Variants in EIF3M observed in about 807,000 individuals in gnomAD.
EIF3M encodes B5 receptor.
A neutral mutation model predicts 49.7 loss-of-function variants in EIF3M; 25 were observed. That is an observed-to-expected ratio of 0.50 (90% CI 0.37 to 0.70). The LOEUF (loss-of-function observed/expected upper bound fraction) is 0.70, where lower values mean the gene tolerates loss of function less well. Among genes scored for constraint, EIF3M ranks in the 30% least tolerant of loss-of-function variants. EIF3M has a pLI of 0.00. For missense variants in EIF3M, 350 were observed against 440.0 expected (o/e 0.80, Z 1.83); for synonymous variants, 156 against 149.8 (o/e 1.04, Z -0.30).
rs1352479195 is a variant in EIF3M, at chr11:32,601,742, T to C, written c.944-20T>C. 8.1e-6 allele frequency: 13 copies of C among 1,609,898 alleles called. No homozygotes were observed. Among genetic ancestry groups the C allele is most frequent in the South Asian group, 1.1e-5 (1 of 90,688 alleles). Reference sequence around the variant, plus strand: ...TGGAAATTTTCCATATAACATACGATATAAAACATCTTTTTTCAGCCGTAA... The same window carrying C: ...TGGAAATTTTCCATATAACATACGACATAAAACATCTTTTTTCAGCCGTAA... On this transcript the variant is annotated intron_variant, in intron 9 of 10. Transcript: ENST00000531120.
At position 32,584,530 on chromosome 11, in the gene EIF3M, C is replaced by T. The variant is rs1287612572; in HGVS notation, c.42+601C>T. Among the ~76,000 whole-genome samples the T allele has an allele frequency of 6.5e-5, 9 of 138,718 alleles. No homozygotes were observed. In the East Asian group the frequency reaches 1.9e-3, roughly 29 times the overall value. The allele number at this position is 138,718 out of a possible 152,430, so 91.0% of individuals were successfully genotyped here. A position where few individuals can be genotyped will look rare whatever the true frequency, so the allele number is the denominator to read the frequency against. Reference sequence around the variant, plus strand: ...GGCTGAGGCAAGAGAATCGCTTGAACCCGCGAGGCGGAGTTTGCAGTGAGC... The same window carrying T: ...GGCTGAGGCAAGAGAATCGCTTGAATCCGCGAGGCGGAGTTTGCAGTGAGC... On this transcript the variant is annotated intron_variant, in intron 1 of 10. Transcript: ENST00000531120.
chr11:32,602,507 T>C lies in EIF3M; in HGVS notation c.*108T>C, dbSNP rs1271956546. On this transcript the variant is annotated 3_prime_UTR_variant, in exon 11 of 11. Transcript: ENST00000531120. Reference sequence around the variant, plus strand: ...GTCTGGACAGTTATTGTCTCAAATTTATACTAAAATCACAAACTCCAGAGG... The same window carrying C: ...GTCTGGACAGTTATTGTCTCAAATTCATACTAAAATCACAAACTCCAGAGG... The C allele has an allele frequency of 1.5e-6, 2 of 1,313,162 alleles. No individual in the cohort carries two copies. The highest frequency in any genetic ancestry group is 2.5e-5 in the East Asian group (1 of 40,142). 81.3% of individuals were successfully genotyped at this position (1,313,162 alleles called of 1,614,324 possible). A position where few individuals can be genotyped will look rare whatever the true frequency, so the allele number is the denominator to read the frequency against.
chr11:32,600,650 G>A (rs1320661284), intron 8 of EIF3M, 39 bp from the exon 9 acceptor site: 3 of 1,556,186 alleles, frequency 1.9e-6, no homozygotes, highest in East Asian at 2.3e-5. Flanking sequence ...TCTTTAATTA[G>A]TATGAACACT....
chr11:32,601,516 A>C (rs1389503512), intron 9 of EIF3M: 5 of 313,786 alleles, frequency 1.6e-5, no homozygotes, highest in South Asian at 9.2e-5. Flanking sequence ...AAAAAAAAAA[A>C]AAAAAAACAG....
intron 1 of EIF3M, 157 bp downstream of exon 1, chr11:32,584,086 G>C: frequency 1.0e-6 from 1 of 976,906 alleles, no homozygotes; most frequent in African/African-American, 1.6e-5. Flanking sequence ...GCGCGTTCCT[G>C]GCCTCGATTC....
intron 10 of EIF3M, 83 bp from the exon 11 acceptor site, chr11:32,602,196 C>T (rs1855279793): frequency 3.9e-6 from 6 of 1,552,540 alleles, no homozygotes; most frequent in Non-Finnish European, 5.2e-6. Flanking sequence ...TTGCTTTTAA[C>T]TGGATTCAAA....
At position 32,606,168 on chromosome 11, in the gene EIF3M, A is replaced by C. The variant is rs924825049; in HGVS notation, c.*3769A>C. On this transcript the variant is annotated 3_prime_UTR_variant, in exon 11 of 11. Transcript: ENST00000531120. ...AGTTACTTTGGACCCATAGAGAGAA[A>C]GTGGATTGGTACTTAATACCTTCCC... 3.9e-5 allele frequency: 6 copies of C among 152,256 alleles called. No individual in the cohort carries two copies. The highest frequency in any genetic ancestry group is 8.8e-5 in the Non-Finnish European group (6 of 68,040). The allele number at this position is 152,256 out of a possible 1,614,324, so 9.4% of individuals were successfully genotyped here. A position where few individuals can be genotyped will look rare whatever the true frequency, so the allele number is the denominator to read the frequency against.
In EIF3M at chr11:32,593,920, T is replaced by C. The variant is rs1243249403; in HGVS notation, c.588T>C (p.Asn196=). Residue 196 remains asparagine, a synonymous_variant, in exon 6 of 11, where the codon AAT becomes AAC. Coordinates refer to ENST00000531120, the MANE Select transcript of EIF3M (RefSeq NM_006360.6). The part of the protein sequence containing the change: ...VELLGSYTED[N]ASQARVDAHR... The stretch of plus-strand genomic sequence containing the variant: ...TGCTCGGAAGTTACACAGAGGACAA[T>C]GCTTCCCAGGCTCGAGTTGATGCCC... 2 of 1,573,850 alleles carry C rather than the reference T, an allele frequency of 1.3e-6. No individual in the cohort carries two copies. The highest frequency in any genetic ancestry group is 1.4e-5 in the African/African-American group (1 of 72,986).
intron 1 of EIF3M, chr11:32,584,347 C>T (rs1054969625): frequency 1.6e-5 from 3 of 189,546 alleles, no homozygotes; most frequent in Non-Finnish European, 3.3e-5. Context: ...GTGGCTCACG[C>T]CTTTAATCCC....
rs12270264 is a variant in EIF3M, at chr11:32,586,952, G to A, written c.43-60G>A. 2.0e-3 allele frequency: 2,982 copies of A among 1,485,468 alleles called. 49 individuals carry two copies. In the African/African-American group the frequency reaches 0.038, roughly 19 times the overall value. 92.0% of individuals were successfully genotyped at this position (1,485,468 alleles called of 1,614,324 possible). ...GTTTTAGTTTTTCAGAAAGAGGACA[G>A]AATTTGAGATTGTGCTTTGTCATTC... On this transcript the variant is annotated intron_variant, in intron 1 of 10. Coordinates refer to ENST00000531120, the MANE Select transcript of EIF3M (RefSeq NM_006360.6).
chr11:32,602,068 G>A (rs2133205752), intron 10 of EIF3M: 2 of 920,236 alleles, frequency 2.2e-6, no homozygotes, highest in Non-Finnish European at 3.3e-6. Flanking sequence ...TTTTATGTCT[G>A]CTTTATATAG....
intron 9 of EIF3M, 148 bp from the exon 10 acceptor site, chr11:32,601,614 C>T (rs1855266737): frequency 1.6e-6 from 1 of 626,032 alleles, no homozygotes; most frequent in African/African-American, 1.9e-5. Flanking sequence ...TTGCCCCATA[C>T]TGTTTTGCTT....
intron 2 of EIF3M, 34 bp from the exon 3 acceptor site, chr11:32,588,560 A>G (rs541604200): frequency 1.9e-6 from 3 of 1,606,082 alleles, no homozygotes; most frequent in South Asian, 1.1e-5. Context: ...GTATTGTAGT[A>G]TCACTGTTGA....
intron 8 of EIF3M, among the ~76,000 whole-genome samples, chr11:32,598,642 A>G (rs1439610691): frequency 6.6e-6 from 1 of 152,124 alleles, no homozygotes; most frequent in Admixed American, 6.5e-5. Flanking sequence ...GTTTTATGGA[A>G]TTCAGCCTAG....
Position 32,602,489 on chromosome 11 carries a change from C to T in EIF3M, c.*90C>T. The T allele has an allele frequency of 7.1e-7, 1 of 1,414,816 alleles. No individual in the cohort carries two copies. Among genetic ancestry groups the T allele is most frequent in the Non-Finnish European group, 9.4e-7 (1 of 1,059,454 alleles). 87.6% of individuals were successfully genotyped at this position (1,414,816 alleles called of 1,614,324 possible). ...ACTAAAAAAATTTGCCTAGTCTGGACAGTTATTGTCTCAAATTTATACTAA... is the reference window on the plus strand; with the variant it reads ...ACTAAAAAAATTTGCCTAGTCTGGATAGTTATTGTCTCAAATTTATACTAA... On this transcript the variant is annotated 3_prime_UTR_variant, in exon 11 of 11. Coordinates refer to ENST00000531120, the MANE Select transcript of EIF3M (RefSeq NM_006360.6).
chr11:32,586,465 T>C (rs756562957), intron 1 of EIF3M, among the ~76,000 whole-genome samples: 11 of 152,178 alleles, frequency 7.2e-5, no homozygotes, highest in South Asian at 2.1e-4. Context: ...TCGATGTAAT[T>C]TTAAGGCAGC....
chr11:32,598,344 G>A (rs1855211032), intron 8 of EIF3M, among the ~76,000 whole-genome samples: 1 of 152,080 alleles, frequency 6.6e-6, no homozygotes. Flanking sequence ...CTGCATTAAG[G>A]TTTTGACATA....
chr11:32,599,104 T>C (rs1035589832), intron 8 of EIF3M, among the ~76,000 whole-genome samples: 1 of 152,116 alleles, frequency 6.6e-6, no homozygotes, highest in Non-Finnish European at 1.5e-5. Context: ...TTCCACAAGT[T>C]GCAATCAGTT....
intron 6 of EIF3M, 36 bp downstream of exon 6, chr11:32,593,985 G>A (rs781339963): frequency 7.3e-7 from 1 of 1,363,140 alleles, no homozygotes; most frequent in Non-Finnish European, 9.8e-7. Context: ...GGGTTTGACA[G>A]CGATGTAGAG....
Sources: allele counts gnomAD v4.1 joint callset (sites outside exome capture counted in the v4.1 genomes callset), GRCh38; gene constraint gnomAD v4.1.1; transcripts MANE v1.5; gene names NCBI Gene and HGNC (gene_info 2026-07-23, HGNC 2026-07-21).